The following CRACDL variants were observed in gnomAD, a reference collection of about 807,000 sequenced individuals.
The protein encoded by CRACDL is CRACD like.
A neutral mutation model predicts 70.6 loss-of-function variants in CRACDL; 26 were observed. The ratio of observed to expected loss-of-function variants is 0.37; its 90% CI spans 0.27 to 0.51. CRACDL has a LOEUF of 0.51. Among genes scored for constraint, CRACDL ranks in the 20% least tolerant of loss-of-function variants. The pLI, the probability that CRACDL is intolerant of heterozygous loss-of-function variation, is 0.94. For synonymous variants in CRACDL, 618 were observed against 615.2 expected (o/e 1.00, Z -0.07); for missense variants, 1,283 against 1,376.9 (o/e 0.93, Z 1.08).
At chr2:98,844,342 C>T (rs1299388760) in intron 2 of CRACDL, among the ~76,000 whole-genome samples, 5 of 152,128 alleles carry the variant, frequency 3.3e-5, no homozygotes. Flanking sequence ...TATCTTCAAA[C>T]ATAGTATGCA....
At chr2:98,863,467 T>A (rs1276399825) in intron 1 of CRACDL, among the ~76,000 whole-genome samples, 1 of 152,110 alleles carries the variant, frequency 6.6e-6, no homozygotes, top group Non-Finnish European at 1.5e-5. Context: ...GAAATAAAGA[T>A]CTCAATAAAA....
chr2:98,813,937 T>C (rs902747704), intron 7 of CRACDL, among the ~76,000 whole-genome samples: 4 of 152,214 alleles, frequency 2.6e-5, no homozygotes, highest in Admixed American at 6.5e-5. Context: ...TTTGTGTCTT[T>C]CAAGGAATTG....
chr2:98,880,614 G>C (rs535953881), intron 1 of CRACDL, among the ~76,000 whole-genome samples: 74 of 152,220 alleles, frequency 4.9e-4, no homozygotes, highest in African/African-American at 1.7e-3. Context: ...GTCTGCCCCT[G>C]GGTTAGTAAG....
intron 1 of CRACDL, chr2:98,897,481 G>T: frequency 2.0e-6 from 2 of 991,582 alleles, no homozygotes; most frequent in Non-Finnish European, 2.8e-6. Flanking sequence ...AGTGACTTCT[G>T]CTGAAACAGA....
chr2:98,795,077 A>ATATATTTTTTTTTTT, intron 9 of CRACDL, among the ~76,000 whole-genome samples: 37 of 58,454 alleles, frequency 6.3e-4, no homozygotes, highest in Non-Finnish European at 9.7e-4. Flanking sequence ...ATATATATAT[A>ATATATTTTTTTTTTT]TTTTTTTTTT....
At chr2:98,885,670 T>C (rs1275647180) in intron 1 of CRACDL, among the ~76,000 whole-genome samples, 1 of 152,188 alleles carries the variant, frequency 6.6e-6, no homozygotes, top group Non-Finnish European at 1.5e-5. Context: ...AGCTCTCACT[T>C]GGCAACCAAC....
intron 7 of CRACDL, among the ~76,000 whole-genome samples, chr2:98,815,940 T>C (rs1434086049): frequency 6.6e-6 from 1 of 152,198 alleles, no homozygotes; most frequent in African/African-American, 2.4e-5. Context: ...AAGAACTCCA[T>C]CCTGCAGGGA....
intron 1 of CRACDL, among the ~76,000 whole-genome samples, chr2:98,854,786 C>T (rs1017351509): frequency 5.3e-5 from 8 of 152,022 alleles, no homozygotes; most frequent in African/African-American, 1.9e-4. Flanking sequence ...CTCTCTAGTA[C>T]TATTAAAAAC....
chr2:98,903,121 A>G (rs138843489), intron 1 of CRACDL, among the ~76,000 whole-genome samples: 2,380 of 152,130 alleles, frequency 0.016, 181 homozygotes, highest in Admixed American at 0.11. Flanking sequence ...TCTGCTCCTT[A>G]GGAGACCTAA....
intron 1 of CRACDL, among the ~76,000 whole-genome samples, chr2:98,899,767 G>T (rs1317084479): frequency 6.6e-6 from 1 of 151,772 alleles, no homozygotes; most frequent in Non-Finnish European, 1.5e-5. Flanking sequence ...GGGGAAGCAG[G>T]TGGACAGAGG....
At chr2:98,891,470 A>T (rs1264063098) in intron 1 of CRACDL, among the ~76,000 whole-genome samples, 1 of 151,198 alleles carries the variant, frequency 6.6e-6, no homozygotes, top group Non-Finnish European at 1.5e-5. Context: ...TGTAATGGGT[A>T]CATGGTTTCT....
chr2:98,823,364 T>G lies in CRACDL; in HGVS notation c.909A>C (p.Gly303=), dbSNP rs984888078. ...GGCGGGCGCGTCTGGCACGGGCCCC[T>G]CCGGGTGGCGGCAAGGGCGCCGGTG... ...PGPPAPLPPP[G]GARARRARLQ... The change falls in exon 7 of 10, where the codon GGA becomes GGC. Residue 303 remains glycine, a synonymous_variant. Transcript: ENST00000397899. This position sits in a 1 kb window ranked among gnomAD's most constrained non-coding sequence, Gnocchi z 4.0. 2 of 1,528,298 alleles carry G rather than the reference T, an allele frequency of 1.3e-6. No homozygotes were observed. Among genetic ancestry groups the G allele is most frequent in the Non-Finnish European group, 1.7e-6 (2 of 1,144,820 alleles). The allele number at this position is 1,528,298 out of a possible 1,614,324, so 94.7% of individuals were successfully genotyped here.
chr2:98,912,228 C>A (rs1010251217), intron 1 of CRACDL, among the ~76,000 whole-genome samples: 1 of 152,242 alleles, frequency 6.6e-6, no homozygotes, highest in African/African-American at 2.4e-5. Context: ...GCTAACAATT[C>A]TCTGCCTTTT....
intron 6 of CRACDL, 34 bp downstream of exon 6, chr2:98,826,941 G>A (rs765660200): frequency 9.8e-5 from 153 of 1,565,122 alleles, no homozygotes; most frequent in Non-Finnish European, 1.3e-4. Context: ...AGCCTGCCTG[G>A]CCTGCCTCTG....
Position 98,893,114 on chromosome 2 carries a change from G to T in CRACDL, c.-11+42824C>A, listed in dbSNP as rs531996725. 1.1e-4 allele frequency among the ~76,000 whole-genome samples: 16 copies of T among 152,288 alleles called. No homozygotes were observed. In the South Asian group the frequency reaches 3.3e-3, roughly 32 times the overall value. On this transcript the variant is annotated intron_variant, in intron 1 of 9. Transcript: ENST00000397899. ...CAGCCTCCAGGCACAGCAGCAGGGA[G>T]CGGGGCACAGGGAGGGAAATGGGCT...
chr2:98,866,813 C>G (rs1202639513), intron 1 of CRACDL, among the ~76,000 whole-genome samples: 3 of 151,942 alleles, frequency 2.0e-5, no homozygotes, highest in Non-Finnish European at 4.4e-5. Flanking sequence ...TTAATGATCA[C>G]CCAACACATT....
intron 1 of CRACDL, among the ~76,000 whole-genome samples, chr2:98,868,767 G>C (rs1029456327): frequency 5.3e-5 from 8 of 152,122 alleles, no homozygotes; most frequent in African/African-American, 1.9e-4. Context: ...ACACGGTATG[G>C]TAAGAATGGC....
At chr2:98,848,419 G>T (rs1454874218) in intron 1 of CRACDL, among the ~76,000 whole-genome samples, 1 of 152,160 alleles carries the variant, frequency 6.6e-6, no homozygotes, top group Non-Finnish European at 1.5e-5. Flanking sequence ...TACGGTGTAA[G>T]GGGAAGAGTG....
At chr2:98,797,987 C>CA (rs1458392282) in intron 7 of CRACDL, among the ~76,000 whole-genome samples, 2 of 152,070 alleles carry the variant, frequency 1.3e-5, no homozygotes, top group Non-Finnish European at 2.9e-5. Flanking sequence ...ACAGTGACAC[C>CA]AAAAACTGGT....
Sources: allele counts gnomAD v4.1 joint callset (sites outside exome capture counted in the v4.1 genomes callset), GRCh38; gene constraint gnomAD v4.1.1; non-coding constraint Gnocchi (gnomAD v3.1); transcripts MANE v1.5; gene names NCBI Gene and HGNC (gene_info 2026-07-23, HGNC 2026-07-21).